Variants in LDB2 observed in about 807,000 individuals in gnomAD.
The protein encoded by LDB2 is LIM domain-binding protein 2.
In LDB2, 12 loss-of-function variants were observed where a neutral mutation model predicts 44.3. That is an observed-to-expected ratio of 0.27 (90% CI 0.17 to 0.44). The LOEUF is 0.44. Ranked by LOEUF, LDB2 falls within the 20% of genes least tolerant of loss-of-function variation. LDB2 has a pLI of 1.00. For missense variants in LDB2, 344 were observed against 473.5 expected (o/e 0.73, Z 2.54); for synonymous variants, 164 against 174.8 (o/e 0.94, Z 0.49).
Position 16,502,470 on chromosome 4 carries a change from C to G in LDB2, c.*173G>C, listed in dbSNP as rs1379932649. 2.2e-6 allele frequency: 2 copies of G among 915,394 alleles called. No homozygotes were observed. The highest frequency in any genetic ancestry group is 3.3e-6 in the Non-Finnish European group (2 of 610,372). 56.7% of individuals were successfully genotyped at this position (915,394 alleles called of 1,614,324 possible). A position where few individuals can be genotyped will look rare whatever the true frequency, so the allele number is the denominator to read the frequency against. On this transcript the variant is annotated 3_prime_UTR_variant, in exon 8 of 8. Transcript: ENST00000304523. ...GTCATGGAAGCTTACTGGGAATAAT[C>G]CTCTCAATTAGAAAAAAAGAAAGAA...
intron 2 of LDB2, among the ~76,000 whole-genome samples, chr4:16,656,803 A>G (rs1164797445): frequency 6.6e-6 from 1 of 152,174 alleles, no homozygotes; most frequent in African/African-American, 2.4e-5. Flanking sequence ...TTCCTTTAAT[A>G]TATGATGGAA....
chr4:16,586,510 AC>A (rs59387564), intron 4 of LDB2, among the ~76,000 whole-genome samples: 366 of 83,734 alleles, frequency 4.4e-3, no homozygotes, highest in African/African-American at 0.015. Context: ...ACACACACAC[AC>A]ACACACACAC....
intron 5 of LDB2, among the ~76,000 whole-genome samples, chr4:16,544,534 G>A (rs1382295741): frequency 6.6e-6 from 1 of 152,208 alleles, no homozygotes; most frequent in African/African-American, 2.4e-5. Context: ...GAGAACAACT[G>A]AGTGGAAACA....
intron 2 of LDB2, among the ~76,000 whole-genome samples, chr4:16,600,212 A>G (rs545250577): frequency 1.3e-5 from 2 of 152,326 alleles, no homozygotes; most frequent in South Asian, 2.1e-4. Context: ...TTTAGATTTT[A>G]TACTGTTACA....
At chr4:16,642,693 A>C (rs1735544680) in intron 2 of LDB2, among the ~76,000 whole-genome samples, 1 of 152,112 alleles carries the variant, frequency 6.6e-6, no homozygotes, top group Admixed American at 6.5e-5. Context: ...TCTTGAAAGG[A>C]AGCCCATGGA....
intron 2 of LDB2, among the ~76,000 whole-genome samples, chr4:16,636,884 C>A (rs924158): frequency 0.01 from 1,536 of 152,288 alleles, 25 homozygotes; most frequent in African/African-American, 0.035. Context: ...AAAAGCAATA[C>A]AATTGCCCAA....
intron 2 of LDB2, among the ~76,000 whole-genome samples, chr4:16,705,317 G>A (rs377689542): frequency 6.6e-6 from 1 of 152,032 alleles, no homozygotes; most frequent in African/African-American, 2.4e-5. Context: ...GTAAAAATAG[G>A]CAGGGTCTAT....
rs1730873971 is a variant in LDB2 at position 16,533,737 on chromosome 4, C to T, written c.616-21633G>A. On this transcript the variant is annotated intron_variant, in intron 5 of 7. Coordinates refer to ENST00000304523, the MANE Select transcript of LDB2 (RefSeq NM_001290.5). This position sits in a 1 kb window ranked among gnomAD's most constrained non-coding sequence, Gnocchi z 4.1. ...AAAAGACCTGCCCTCCAGTAAAATT[C>T]CATTTTGGGGTTGCATAAAAACAAC... is the stretch of plus-strand genomic sequence containing the variant. 6.6e-6 allele frequency among the ~76,000 whole-genome samples: 1 copy of T among 152,058 alleles called. No homozygotes were observed. The highest frequency in any genetic ancestry group is 1.5e-5 in the Non-Finnish European group (1 of 68,012).
chr4:16,830,836 TCCAATTAGCCTGTGCCGA>T (rs2110045645), intron 1 of LDB2, among the ~76,000 whole-genome samples: 1 of 152,290 alleles, frequency 6.6e-6, no homozygotes, highest in African/African-American at 2.4e-5. Context: ...AGATGGCTGA[TCCAATTAGCCTGTGCCGA>T]CCTCAGACCT....
At chr4:16,867,938 T>G (rs990187806) in intron 1 of LDB2, among the ~76,000 whole-genome samples, 14 of 152,230 alleles carry the variant, frequency 9.2e-5, no homozygotes, top group African/African-American at 3.4e-4. Flanking sequence ...CTAGCATCTG[T>G]TGGAGCTGTC....
chr4:16,707,423 G>A (rs1754846009), intron 2 of LDB2, among the ~76,000 whole-genome samples: 1 of 152,166 alleles, frequency 6.6e-6, no homozygotes, highest in African/African-American at 2.4e-5. Context: ...TGGGAGTAAT[G>A]TAAAATAAAT....
intron 1 of LDB2, among the ~76,000 whole-genome samples, chr4:16,798,362 T>G (rs1178526705): frequency 6.6e-6 from 1 of 152,188 alleles, no homozygotes; most frequent in African/African-American, 2.4e-5. Flanking sequence ...AAGTCCATCT[T>G]GGAGGAAGCC....
chr4:16,586,055 T>C, intron 4 of LDB2, 50 bp from the exon 5 acceptor site: 1 of 1,389,990 alleles, frequency 7.2e-7, no homozygotes, highest in Non-Finnish European at 1.0e-6. Flanking sequence ...AGGACGGTCC[T>C]GAGAAAATCT....
At chr4:16,686,725 CTGAA>C (rs1038699514) in intron 2 of LDB2, among the ~76,000 whole-genome samples, 3 of 152,136 alleles carry the variant, frequency 2.0e-5, no homozygotes, top group Non-Finnish European at 2.9e-5. Flanking sequence ...CCACCTGGTT[CTGAA>C]TGAATGAATG....
intron 2 of LDB2, among the ~76,000 whole-genome samples, chr4:16,701,282 G>A (rs868489012): frequency 6.6e-6 from 1 of 152,176 alleles, no homozygotes; most frequent in East Asian, 1.9e-4. Context: ...AGACAATCAT[G>A]TTCTTAGTCT....
chr4:16,752,748 G>A (rs995173330), intron 2 of LDB2, among the ~76,000 whole-genome samples: 6 of 152,132 alleles, frequency 3.9e-5, no homozygotes, highest in African/African-American at 1.4e-4. Context: ...AAGAAACTGG[G>A]GTTAAGGTAG....
rs1311954248 is a variant in LDB2 at position 16,887,949 on chromosome 4, C to A, written c.132+10405G>T. On this transcript the variant is annotated intron_variant, in intron 1 of 7. Transcript: ENST00000304523. ...AAAAAGAGACAGGTAGCGTTACTAC[C>A]CATCCACCTGATCCCTGTGGCCAGA... Among the ~76,000 whole-genome samples, 3 of 152,080 alleles carry A rather than the reference C, an allele frequency of 2.0e-5. No individual in the cohort carries two copies. In the South Asian group the frequency reaches 6.2e-4, roughly 32 times the overall value.
At chr4:16,736,411 A>C (rs147511785) in intron 2 of LDB2, among the ~76,000 whole-genome samples, 251 of 152,342 alleles carry the variant, frequency 1.6e-3, no homozygotes, top group African/African-American at 5.7e-3. Flanking sequence ...TATTTTTAAA[A>C]AGGCTGTTTC....
chr4:16,520,506 A>G (rs1246605538), intron 5 of LDB2, among the ~76,000 whole-genome samples: 3 of 152,204 alleles, frequency 2.0e-5, no homozygotes, highest in Non-Finnish European at 4.4e-5. Context: ...TGGTTGTCAA[A>G]TTCAAAACAT....
Sources: allele counts gnomAD v4.1 joint callset (sites outside exome capture counted in the v4.1 genomes callset), GRCh38; gene constraint gnomAD v4.1.1; non-coding constraint Gnocchi (gnomAD v3.1); transcripts MANE v1.5; gene names NCBI Gene and HGNC (gene_info 2026-07-23, HGNC 2026-07-21).